The following ANG variants were observed in gnomAD, a reference collection of about 807,000 sequenced individuals.
ANG encodes the protein Homo sapiens epididymis luminal protein 168.
For synonymous variants in ANG, 74 were observed against 73.8 expected (o/e 1.00, Z -0.02); for missense variants, 178 against 187.4 (o/e 0.95, Z 0.29).
intron 1 of ANG, among the ~76,000 whole-genome samples, chr14:20,689,761 AC>A (rs1465116945): frequency 7.9e-5 from 12 of 152,146 alleles, no homozygotes; most frequent in African/African-American, 2.9e-4. Flanking sequence ...TACCAAATAC[AC>A]AAAATTAGCC....
intron 1 of ANG, among the ~76,000 whole-genome samples, chr14:20,690,240 AAAAAAAAAG>A (rs1886667979): frequency 6.7e-6 from 1 of 149,026 alleles, no homozygotes; most frequent in Non-Finnish European, 1.5e-5. Flanking sequence ...AAAAAAAAAA[AAAAAAAAAG>A]AAAAGAAAAG....
chr14:20,693,690 A>C lies in ANG; in HGVS notation c.126A>C (p.Pro42=). ...HFLTQHYDAK[P]QGRDDRYCES... is the part of the protein sequence containing the mutation. ...TGACCCAGCACTATGATGCCAAACC[A>C]CAGGGCCGGGATGACAGATACTGTG... The change falls in exon 2 of 2, where the codon CCA becomes CCC. Residue 42 remains proline (P), a synonymous_variant. Transcript: ENST00000397990. 1 of 1,614,198 alleles carries C rather than the reference A, an allele frequency of 6.2e-7. No individual in the cohort carries two copies. Among genetic ancestry groups the C allele is most frequent in the Non-Finnish European group, 8.5e-7 (1 of 1,180,028 alleles).
intron 1 of ANG, among the ~76,000 whole-genome samples, chr14:20,692,061 AT>A (rs1453284489): frequency 6.6e-6 from 1 of 152,260 alleles, no homozygotes; most frequent in Admixed American, 6.5e-5. Context: ...GAAAATGTTC[AT>A]TGACTTACAC....
At chr14:20,685,488 T>G (rs1314706695), upstream of ANG, among the ~76,000 whole-genome samples, 2 of 152,212 alleles carry the variant, frequency 1.3e-5, no homozygotes, top group Non-Finnish European at 2.9e-5. Flanking sequence ...GACATCATTA[T>G]CTGTGGCACA....
At chr14:20,691,296 T>C (rs1886732272) in intron 1 of ANG, among the ~76,000 whole-genome samples, 1 of 152,236 alleles carries the variant, frequency 6.6e-6, no homozygotes, top group Non-Finnish European at 1.5e-5. Flanking sequence ...GGCAGAAGAA[T>C]GTTGACTGTG....
chr14:20,692,933 C>T (rs1212442329), intron 1 of ANG, among the ~76,000 whole-genome samples: 1 of 152,194 alleles, frequency 6.6e-6, no homozygotes, highest in Non-Finnish European at 1.5e-5. Flanking sequence ...CTGCAAGCTC[C>T]GCCTCCCGGG....
intron 1 of ANG, among the ~76,000 whole-genome samples, chr14:20,691,992 A>T (rs1167981988): frequency 6.6e-6 from 1 of 152,248 alleles, no homozygotes; most frequent in Non-Finnish European, 1.5e-5. Context: ...GAACAGCAAT[A>T]TCCCCACAAC....
chr14:20,693,970 C>A lies in ANG; in HGVS notation c.406C>A (p.Pro136Thr). ...TGTTGTTGCTTGTGAAAATGGCTTA[C>A]CTGTCCACTTGGATCAGTCAATTTT... is the stretch of plus-strand genomic sequence containing the variant. Reference protein sequence around the residue: ...NVVVACENGLPVHLDQSIFRR... With the variant: ...NVVVACENGLTVHLDQSIFRR... Residue 136 changes from proline to threonine, a missense_variant, in exon 2 of 2, where the codon CCT (proline) becomes ACT (threonine). Pro to Thr is a conservative substitution (Grantham distance 38). Coordinates refer to ENST00000397990, the MANE Select transcript of ANG (RefSeq NM_001097577.3). The A allele has an allele frequency of 6.2e-7, 1 of 1,614,134 alleles. No homozygotes were observed. Among genetic ancestry groups the A allele is most frequent in the Non-Finnish European group, 8.5e-7 (1 of 1,180,032 alleles).
chr14:20,690,140 G>A (rs1165580744), intron 1 of ANG, among the ~76,000 whole-genome samples: 1 of 144,416 alleles, frequency 6.9e-6, no homozygotes, highest in African/African-American at 2.6e-5. Context: ...GCGTGAACCC[G>A]GGAGGCGGAG....
intron 1 of ANG, among the ~76,000 whole-genome samples, chr14:20,689,715 G>A (rs1182662626): frequency 6.6e-6 from 1 of 152,068 alleles, no homozygotes; most frequent in African/African-American, 2.4e-5. Context: ...TCAGGAGTTC[G>A]AGACCAGCCT....
intron 1 of ANG, among the ~76,000 whole-genome samples, chr14:20,690,015 A>T (rs1886641159): frequency 6.7e-6 from 1 of 148,920 alleles, no homozygotes; most frequent in Admixed American, 6.7e-5. Context: ...GGAGATCGAG[A>T]CCATCCTGGC....
chr14:20,687,280 A>G (rs140007611), upstream of ANG, among the ~76,000 whole-genome samples: 169 of 152,338 alleles, frequency 1.1e-3, no homozygotes, highest in African/African-American at 3.8e-3. Flanking sequence ...AAAACATAAA[A>G]CTGTCTTTTT....
At chr14:20,692,982 G>C (rs990265186) in intron 1 of ANG, among the ~76,000 whole-genome samples, 2 of 151,518 alleles carry the variant, frequency 1.3e-5, no homozygotes, top group Admixed American at 1.3e-4. Context: ...CGAGTAGCTG[G>C]GACTACAGGC....
upstream of ANG, among the ~76,000 whole-genome samples, chr14:20,686,719 G>A (rs1220542104): frequency 2.6e-5 from 4 of 152,188 alleles, no homozygotes; most frequent in Admixed American, 2.6e-4. Context: ...TCCTGGAGAC[G>A]TGGTTCTTCT....
At chr14:20,691,917 C>A (rs1594207316) in intron 1 of ANG, among the ~76,000 whole-genome samples, 1 of 152,210 alleles carries the variant, frequency 6.6e-6, no homozygotes, top group South Asian at 2.1e-4. Context: ...TCAGAACAGG[C>A]TAGCCACACC....
At chr14:20,687,400 C>T (rs1886475579), upstream of ANG, among the ~76,000 whole-genome samples, 1 of 152,248 alleles carries the variant, frequency 6.6e-6, no homozygotes, top group African/African-American at 2.4e-5. Context: ...CTCAGCACTA[C>T]TGCAGAACTC....
chr14:20,689,337 C>T (rs1004718038), intron 1 of ANG, among the ~76,000 whole-genome samples: 14 of 152,196 alleles, frequency 9.2e-5, no homozygotes, highest in African/African-American at 3.1e-4. Flanking sequence ...AGAAGGCTCA[C>T]TGGCAGGTTG....
upstream of ANG, among the ~76,000 whole-genome samples, chr14:20,685,740 T>G (rs558802008): frequency 6.6e-6 from 1 of 152,198 alleles, no homozygotes; most frequent in Admixed American, 6.5e-5. Context: ...AGTACTAGTA[T>G]GGAATATAAA....
In ANG at chr14:20,693,919, C is replaced by G. The variant is rs201135457; in HGVS notation, c.355C>G (p.Arg119Gly). Residue 119 changes from arginine to glycine, a missense_variant, in exon 2 of 2, where the codon CGA becomes GGA. Physicochemically the swap from Arg to Gly is moderately radical, Grantham distance 125. Transcript: ENST00000397990. The part of the protein sequence containing the change: ...GGSPWPPCQY[R>G]ATAGFRNVVV... ...TTCCCCCTGGCCTCCATGCCAGTAC[C>G]GAGCCACAGCGGGGTTCAGAAACGT... The G allele has an allele frequency of 1.9e-6, 3 of 1,614,150 alleles. No individual in the cohort carries two copies. The East Asian group carries it at 6.7e-5, about 36-fold the overall frequency.
Sources: allele counts gnomAD v4.1 joint callset (sites outside exome capture counted in the v4.1 genomes callset), GRCh38; gene constraint gnomAD v4.1.1; transcripts MANE v1.5; gene names NCBI Gene and HGNC (gene_info 2026-07-23, HGNC 2026-07-21).